The following RBFOX3 variants were observed in gnomAD, a reference collection of about 807,000 sequenced individuals.
RBFOX3 encodes RNA binding fox-1 homolog 3, also known as RNA binding protein fox-1 homolog 3.
Under a neutral mutation model 48.7 loss-of-function variants are expected in RBFOX3, and 17 were observed. The ratio of observed to expected loss-of-function variants is 0.35; its 90% CI spans 0.24 to 0.52. RBFOX3 has a LOEUF of 0.52. Among genes scored for constraint, RBFOX3 ranks in the 20% least tolerant of loss-of-function variants. RBFOX3 has a pLI of 0.94. For missense variants in RBFOX3, 382 were observed against 497.5 expected, an observed-to-expected ratio of 0.77 and a Z score of 2.21; for synonymous variants, 212 against 209.5, an observed-to-expected ratio of 1.01 and a Z score of -0.10.
At chr17:79,280,492 G>A (rs1435186692) in intron 3 of RBFOX3, among the ~76,000 whole-genome samples, 6 of 152,172 alleles carry the variant, frequency 3.9e-5, no homozygotes, top group Admixed American at 1.3e-4. Context: ...CTCCCACACC[G>A]GAGCTCAAGC....
At chr17:79,317,629 A>G (rs1035944710) in intron 2 of RBFOX3, among the ~76,000 whole-genome samples, 6 of 152,228 alleles carry the variant, frequency 3.9e-5, no homozygotes, top group Non-Finnish European at 5.9e-5. Flanking sequence ...AAAGGGGACA[A>G]ACACAGACTT....
intron 1 of RBFOX3, among the ~76,000 whole-genome samples, chr17:79,525,093 C>T (rs1309751894): frequency 1.3e-5 from 2 of 152,204 alleles, no homozygotes; most frequent in Admixed American, 1.3e-4. Flanking sequence ...CCCAACCTTT[C>T]GGGGTGCCCT....
chr17:79,456,632 T>G (rs191949306), intron 2 of RBFOX3, among the ~76,000 whole-genome samples: 1 of 152,336 alleles, frequency 6.6e-6, no homozygotes, highest in East Asian at 1.9e-4. Context: ...ATGCCATCAT[T>G]TTATAAAGAC....
rs1418057854 is a variant in RBFOX3, at chr17:79,471,580, A to G, written c.-175+10874T>C. Among the ~76,000 whole-genome samples the G allele has an allele frequency of 6.6e-6, 1 of 152,212 alleles. No homozygotes were observed. Among genetic ancestry groups the G allele is most frequent in the African/African-American group, 2.4e-5 (1 of 41,444 alleles). On this transcript the variant is annotated intron_variant, in intron 2 of 14. Coordinates refer to ENST00000693108, the MANE Select transcript of RBFOX3 (RefSeq NM_001350451.2). The surrounding 1 kb of genome is among the most constrained non-coding windows in gnomAD (Gnocchi z 4.0). ...ACAGGCGTGAGCTTTCTCAGCTACA[A>G]AGAGCACGACATAAACAAGGAAGGC...
chr17:79,246,507 G>A (rs573467909), intron 3 of RBFOX3, among the ~76,000 whole-genome samples: 9 of 152,358 alleles, frequency 5.9e-5, no homozygotes, highest in South Asian at 2.1e-4. Context: ...GGCGCTGCAC[G>A]CCATATTCCC....
intron 2 of RBFOX3, among the ~76,000 whole-genome samples, chr17:79,449,985 G>T (rs2073163586): frequency 6.6e-6 from 1 of 152,162 alleles, no homozygotes; most frequent in South Asian, 2.1e-4. Flanking sequence ...GAAGATGTTA[G>T]CACAGTGGAA....
chr17:79,261,727 G>C (rs551909885), intron 3 of RBFOX3, among the ~76,000 whole-genome samples: 1 of 152,212 alleles, frequency 6.6e-6, no homozygotes, highest in Admixed American at 6.5e-5. Context: ...ATCCCATCCC[G>C]CACTGGTCGC....
intron 1 of RBFOX3, among the ~76,000 whole-genome samples, chr17:79,530,335 C>T (rs1038958769): frequency 4.6e-5 from 7 of 152,126 alleles, no homozygotes; most frequent in African/African-American, 1.2e-4. Flanking sequence ...CCCTGGCCCT[C>T]GTCCCTCTGC....
intron 3 of RBFOX3, among the ~76,000 whole-genome samples, chr17:79,280,155 A>ACACG (rs1555644847): frequency 7.9e-6 from 1 of 127,266 alleles, no homozygotes; most frequent in Admixed American, 8.9e-5. Flanking sequence ...GTGCGTGCAC[A>ACACG]CACACACGCA....
At chr17:79,560,150 C>T (rs2092113346) in intron 1 of RBFOX3, among the ~76,000 whole-genome samples, 1 of 152,014 alleles carries the variant, frequency 6.6e-6, no homozygotes, top group Non-Finnish European at 1.5e-5. Flanking sequence ...AACAGCCTCC[C>T]CCACCCACCG....
At chr17:79,632,593 T>G in the RBFOX3 span, among the ~76,000 whole-genome samples, 3 of 152,194 alleles carry the variant, frequency 2.0e-5, no homozygotes, top group African/African-American at 7.2e-5. Context: ...TTCCCTGGCA[T>G]GCACGAGTCC....
chr17:79,191,371 C>G (rs2054488045), intron 4 of RBFOX3, among the ~76,000 whole-genome samples: 1 of 152,200 alleles, frequency 6.6e-6, no homozygotes, highest in South Asian at 2.1e-4. Context: ...TAGCCCCAGC[C>G]CCAGCACTCA....
chr17:79,288,566 G>A (rs986823955), intron 3 of RBFOX3, among the ~76,000 whole-genome samples: 9 of 151,698 alleles, frequency 5.9e-5, no homozygotes, highest in African/African-American at 1.9e-4. Flanking sequence ...GGCAGTTTCC[G>A]TCCTTACCAC....
intron 3 of RBFOX3, among the ~76,000 whole-genome samples, chr17:79,241,451 G>C (rs1037794832): frequency 7.2e-5 from 11 of 152,136 alleles, no homozygotes; most frequent in African/African-American, 2.4e-4. Context: ...ACAGATGATG[G>C]CTGGGAAGAG....
At chr17:79,153,790 G>C (rs1301719360) in intron 4 of RBFOX3, among the ~76,000 whole-genome samples, 2 of 152,122 alleles carry the variant, frequency 1.3e-5, no homozygotes, top group Non-Finnish European at 2.9e-5. Flanking sequence ...TTTCTACCCG[G>C]CTGGGACCAT....
intron 14 of RBFOX3, among the ~76,000 whole-genome samples, chr17:79,094,042 C>T (rs1017737459): frequency 3.3e-5 from 5 of 152,054 alleles, no homozygotes; most frequent in African/African-American, 1.2e-4. Flanking sequence ...CGTGGGTATG[C>T]GGTGTGGGCA....
At chr17:79,241,255 C>A (rs891216235) in intron 3 of RBFOX3, among the ~76,000 whole-genome samples, 7 of 151,776 alleles carry the variant, frequency 4.6e-5, no homozygotes, top group African/African-American at 1.7e-4. Flanking sequence ...CTCAAGTGAG[C>A]CTCCCACTTC....
At chr17:79,547,833 C>T (rs1322005546) in intron 1 of RBFOX3, among the ~76,000 whole-genome samples, 15 of 142,054 alleles carry the variant, frequency 1.1e-4, no homozygotes, top group African/African-American at 4.4e-4. Flanking sequence ...GGGCTGTACT[C>T]GCACCCACAC....
chr17:79,388,079 C>CGTGTGCATGT (rs1375274301), intron 2 of RBFOX3, among the ~76,000 whole-genome samples: 1 of 151,336 alleles, frequency 6.6e-6, no homozygotes, highest in Admixed American at 6.6e-5. Flanking sequence ...TGTGTGCCTA[C>CGTGTGCATGT]GTGTGCATGT....
Sources: gnomAD v4.1 joint callset for allele counts (sites outside exome capture counted in the v4.1 genomes callset) on GRCh38, gnomAD v4.1.1 for gene constraint, Gnocchi (gnomAD v3.1) non-coding constraint, MANE v1.5 for transcripts, NCBI Gene and HGNC (gene_info 2026-07-23, HGNC 2026-07-21) for gene names.